Variants in CACNA2D3 observed in about 807,000 individuals in gnomAD.
CACNA2D3 encodes the protein calcium voltage-gated channel auxiliary subunit alpha2delta 3, also known as voltage-dependent calcium channel subunit alpha-2/delta-3.
CACNA2D3 carries 60 observed loss-of-function variants against 160.6 expected under a neutral mutation model. That is an observed-to-expected ratio of 0.37 (90% CI 0.30 to 0.46). CACNA2D3 has a LOEUF of 0.46. CACNA2D3 is among the 20% of genes least tolerant of loss of function. The pLI is 1.00. For synonymous variants in CACNA2D3, 558 were observed against 492.9 expected (o/e 1.13, Z -1.75); for missense variants, 1,205 against 1,365.0 (o/e 0.88, Z 1.85).
rs146981240 is a variant in CACNA2D3 at position 54,887,247 on chromosome 3, A to G, written c.2057-712A>G. Among the ~76,000 whole-genome samples, 616 of 152,092 alleles carry G rather than the reference A, an allele frequency of 4.1e-3. 15 individuals are homozygous for G. The highest frequency in any genetic ancestry group is 0.033 in the Admixed American group (503 of 15,266). ...TTGAGACTAACCTGGCCAACATGGT[A>G]AAACCCCATCTCTACTAAAAATACA... On this transcript the variant is annotated intron_variant, in intron 23 of 37. Transcript: ENST00000474759.
At chr3:55,012,381 G>A (rs972692967) in intron 34 of CACNA2D3, among the ~76,000 whole-genome samples, 1 of 152,082 alleles carries the variant, frequency 6.6e-6, no homozygotes, top group African/African-American at 2.4e-5. Flanking sequence ...GTTGTTTTCA[G>A]TGGTTTTCTT....
chr3:54,443,072 A>T (rs574746755), intron 4 of CACNA2D3, among the ~76,000 whole-genome samples: 197 of 152,336 alleles, frequency 1.3e-3, no homozygotes, highest in Non-Finnish European at 2.5e-3. Context: ...AATGTACTGG[A>T]AACTCCTGGC....
chr3:54,574,450 A>C (rs1702549748), intron 8 of CACNA2D3, among the ~76,000 whole-genome samples: 1 of 152,234 alleles, frequency 6.6e-6, no homozygotes, highest in Non-Finnish European at 1.5e-5. Context: ...GAGTATAAAC[A>C]TAAAGAGATA....
At chr3:55,008,488 C>T (rs1336932816) in intron 33 of CACNA2D3, among the ~76,000 whole-genome samples, 1 of 152,144 alleles carries the variant, frequency 6.6e-6, no homozygotes, top group Non-Finnish European at 1.5e-5. Context: ...CAAACTCTCT[C>T]ATTCTTATTT....
chr3:54,223,851 C>CAA (rs60397787), intron 2 of CACNA2D3, among the ~76,000 whole-genome samples: 34,322 of 96,124 alleles, frequency 0.36, 4,704 homozygotes, highest in South Asian at 0.44. Context: ...GACTCTGTCT[C>CAA]AAAAAAAAAA....
At chr3:54,496,138 T>A (rs1340548990) in intron 4 of CACNA2D3, among the ~76,000 whole-genome samples, 1 of 152,236 alleles carries the variant, frequency 6.6e-6, no homozygotes, top group Non-Finnish European at 1.5e-5. Context: ...TTTGTGGGCA[T>A]ATATTCTCAT....
chr3:54,123,106 A>G (rs1341685917), intron 1 of CACNA2D3, among the ~76,000 whole-genome samples: 2 of 151,930 alleles, frequency 1.3e-5, no homozygotes, highest in South Asian at 2.1e-4. Context: ...TCCAACTTCC[A>G]TGGGCCGCTG....
chr3:54,773,560 G>A (rs1337008147), intron 13 of CACNA2D3, among the ~76,000 whole-genome samples: 1 of 152,170 alleles, frequency 6.6e-6, no homozygotes, highest in Non-Finnish European at 1.5e-5. Flanking sequence ...TAGAAACCGT[G>A]TTAAAAACAT....
At chr3:55,044,250 C>T (rs981965226) in intron 35 of CACNA2D3, among the ~76,000 whole-genome samples, 2 of 152,158 alleles carry the variant, frequency 1.3e-5, no homozygotes, top group African/African-American at 2.4e-5. Flanking sequence ...ATGGTGTAAC[C>T]ATCTATTTAT....
rs553379269 is a variant in CACNA2D3 at position 54,870,403 on chromosome 3, C to A, written c.1627-1136C>A. On this transcript the variant is annotated intron_variant, in intron 17 of 37. Transcript: ENST00000474759. ...CCTTCCAGTTAAATCAAAAGATGACCAAGCTGGAGAGAAAAGTGAAAAAGA... is the reference window on the plus strand; with the variant it reads ...CCTTCCAGTTAAATCAAAAGATGACAAAGCTGGAGAGAAAAGTGAAAAAGA... Among the ~76,000 whole-genome samples, 38 of 152,216 alleles carry A rather than the reference C, an allele frequency of 2.5e-4. 1 individual carries two copies. Among genetic ancestry groups the A allele is most frequent in the Admixed American group, 2.2e-3 (33 of 15,300 alleles).
intron 11 of CACNA2D3, among the ~76,000 whole-genome samples, chr3:54,740,056 A>T (rs1701618860): frequency 3.3e-5 from 5 of 151,904 alleles, no homozygotes; most frequent in Admixed American, 3.3e-4. Context: ...GGGAGGGTGG[A>T]TGGATGGGAA....
chr3:54,488,673 T>C (rs1166717813), intron 4 of CACNA2D3, among the ~76,000 whole-genome samples: 3 of 152,132 alleles, frequency 2.0e-5, no homozygotes, highest in African/African-American at 7.2e-5. Context: ...TTCGCATTCC[T>C]TCAACAGTCT....
intron 3 of CACNA2D3, among the ~76,000 whole-genome samples, chr3:54,331,131 A>G (rs985186074): frequency 7.2e-5 from 11 of 152,168 alleles, no homozygotes; most frequent in Non-Finnish European, 4.4e-5. Context: ...CCCCAGGCCA[A>G]TCCTGGTTGT....
chr3:54,439,108 G>C (rs1177971754), intron 4 of CACNA2D3, among the ~76,000 whole-genome samples: 4 of 152,162 alleles, frequency 2.6e-5, no homozygotes, highest in Non-Finnish European at 5.9e-5. Flanking sequence ...CAGCCTCACT[G>C]CTCTCCTCAG....
chr3:54,310,947 G>A (rs1051629664), intron 2 of CACNA2D3, among the ~76,000 whole-genome samples: 3 of 152,158 alleles, frequency 2.0e-5, no homozygotes, highest in Non-Finnish European at 4.4e-5. Flanking sequence ...GGACTTGAAC[G>A]TGGAACATCT....
intron 9 of CACNA2D3, among the ~76,000 whole-genome samples, chr3:54,608,602 TA>T (rs60029402): frequency 0.037 from 5,652 of 152,276 alleles, 355 homozygotes; most frequent in African/African-American, 0.13. Context: ...AGCTTTGAGA[TA>T]ACAAAGACTG....
At chr3:54,453,384 C>G (rs537558462) in intron 4 of CACNA2D3, among the ~76,000 whole-genome samples, 1 of 152,146 alleles carries the variant, frequency 6.6e-6, no homozygotes, top group Non-Finnish European at 1.5e-5. Flanking sequence ...CTGCAGAGAC[C>G]CAGTTTCCAA....
In CACNA2D3 at chr3:54,377,231, A is replaced by G. The variant is rs190451759; in HGVS notation, c.322-9484A>G. Among the ~76,000 whole-genome samples the G allele has an allele frequency of 1.4e-3, 217 of 152,316 alleles. 2 individuals carry two copies. The highest frequency in any genetic ancestry group is 6.8e-3 in the Middle Eastern group (2 of 294). On this transcript the variant is annotated intron_variant, in intron 3 of 37. Transcript: ENST00000474759. ...CCTCATTCCGTTTTCAGCCTCACTG[A>G]TCACAGATTTTACCTCTGGAACTGA...
At chr3:54,359,528 T>C (rs549859892) in intron 3 of CACNA2D3, among the ~76,000 whole-genome samples, 1 of 152,306 alleles carries the variant, frequency 6.6e-6, no homozygotes, top group South Asian at 2.1e-4. Context: ...GGGTAATTTA[T>C]GTCACGCAAG....
Sources: gnomAD v4.1 joint callset for allele counts (sites outside exome capture counted in the v4.1 genomes callset) on GRCh38, gnomAD v4.1.1 for gene constraint, MANE v1.5 for transcripts, NCBI Gene and HGNC (gene_info 2026-07-23, HGNC 2026-07-21) for gene names.